BRWD1: variants seen among roughly 807,000 people sequenced by gnomAD.
The protein encoded by BRWD1 is bromodomain and WD repeat domain containing 1.
BRWD1 carries 82 observed loss-of-function variants against 251.2 expected under a neutral mutation model. The ratio of observed to expected loss-of-function variants is 0.33; its 90% confidence interval spans 0.27 to 0.39. The LOEUF (loss-of-function observed/expected upper bound fraction) is 0.39, where lower values mean the gene tolerates loss of function less well. Among genes scored for constraint, BRWD1 ranks in the 10% least tolerant of loss-of-function variants. The pLI is 1.00. For missense variants in BRWD1, 2,233 were observed against 2,711.6 expected (o/e 0.82, Z 3.92); for synonymous variants, 918 against 902.8 (o/e 1.02, Z -0.30).
Position 39,236,710 on chromosome 21 carries a change from CATG to C in BRWD1, c.2648_2650del (p.Ser883del). 3.1e-6 allele frequency: 5 copies of C among 1,614,070 alleles called. No homozygotes were observed. Among genetic ancestry groups the C allele is most frequent in the Non-Finnish European group, 3.4e-6 (4 of 1,179,988 alleles). ...ACAAAATCGAGTAATTCGTCGACGA[CATG>C]ATGTTCTTAAAGGAGGCTGCAAATT... is the stretch of plus-strand genomic sequence containing the variant. On this transcript the variant is annotated inframe_deletion, in exon 23 of 41. Transcript: ENST00000342449.
At chr21:39,263,810 A>G (rs933855527) in intron 17 of BRWD1, among the ~76,000 whole-genome samples, 2 of 152,186 alleles carry the variant, frequency 1.3e-5, no homozygotes, top group African/African-American at 4.8e-5. Flanking sequence ...AAAGAGAAAA[A>G]TACTAAGTTT....
chr21:39,218,238 C>G lies in BRWD1; in HGVS notation c.3573G>C (p.Leu1191Phe). The G allele has an allele frequency of 1.9e-6, 3 of 1,611,146 alleles. No homozygotes were observed. The South Asian group carries it at 3.3e-5, about 18-fold the overall frequency. Residue 1191 changes from leucine to phenylalanine, a missense_variant, in exon 31 of 41, where the codon TTG (leucine) becomes TTC (phenylalanine). Around this residue, in one of 12 missense-constraint regions of BRWD1, gnomAD observed 167 missense variants for 183.2 expected, o/e 0.91. Coordinates refer to ENST00000342449, the MANE Select transcript of BRWD1 (RefSeq NM_033656.4). The part of the protein sequence containing the change: ...IAAAFAGPVD[L>F]CTYPKYCTVV... ...CAGTACAGTACTTCGGGTATGTACA[C>G]AAATCAACAGGGCCTGCAAAAGCTG...
At chr21:39,263,395 TG>T (rs1185803163) in intron 17 of BRWD1, among the ~76,000 whole-genome samples, 1 of 151,920 alleles carries the variant, frequency 6.6e-6, no homozygotes, top group Non-Finnish European at 1.5e-5. Flanking sequence ...AAGACAAACC[TG>T]GAACATCCTA....
At chr21:39,258,700 T>C in intron 17 of BRWD1, 28 bp from the exon 18 acceptor site, 1 of 1,450,344 alleles carries the variant, frequency 6.9e-7, no homozygotes, top group South Asian at 1.5e-5. Context: ...TAATATATAA[T>C]CATATAAAAG....
At chr21:39,239,713 T>C (rs1259037604) in intron 21 of BRWD1, among the ~76,000 whole-genome samples, 1 of 152,238 alleles carries the variant, frequency 6.6e-6, no homozygotes, top group African/African-American at 2.4e-5. Flanking sequence ...TGCTGGGATT[T>C]TGTTTGGGAT....
intron 31 of BRWD1, chr21:39,216,490 C>T (rs903441683): frequency 6.4e-6 from 1 of 155,356 alleles, no homozygotes; most frequent in Non-Finnish European, 1.4e-5. Context: ...AACTCTCAGC[C>T]TCCTACTCAT....
chr21:39,295,984 G>C (rs1330219633), intron 6 of BRWD1, 81 bp from the exon 7 acceptor site: 2 of 1,224,860 alleles, frequency 1.6e-6, no homozygotes, highest in African/African-American at 3.1e-5. Flanking sequence ...ACAATTTCTA[G>C]AGGGTCACAA....
chr21:39,320,611 G>C (rs2036737313), intron 1 of BRWD1, among the ~76,000 whole-genome samples: 1 of 151,452 alleles, frequency 6.6e-6, no homozygotes, highest in South Asian at 2.1e-4. Flanking sequence ...TAGGATTATA[G>C]GTGTGACTAC....
Position 39,208,117 on chromosome 21 carries a change from G to A in BRWD1, c.4198-1843C>T, listed in dbSNP as rs141612191. Among the ~76,000 whole-genome samples, 451 of 152,266 alleles carry A rather than the reference G, an allele frequency of 3.0e-3. 4 individuals carry two copies. The highest frequency in any genetic ancestry group is 0.01 in the African/African-American group (423 of 41,546). Reference sequence around the variant, plus strand: ...CATAAAAATGGCTAAAATGGCAAATGTTATGTTATATATAGTTAACCATAG... The same window carrying A: ...CATAAAAATGGCTAAAATGGCAAATATTATGTTATATATAGTTAACCATAG... On this transcript the variant is annotated intron_variant, in intron 36 of 40. Transcript: ENST00000342449.
At position 39,313,628 on chromosome 21, in the gene BRWD1, C is replaced by A; in HGVS notation, c.-137G>T. 1 of 624,170 alleles carries A rather than the reference C, an allele frequency of 1.6e-6. No individual in the cohort carries two copies. The allele number at this position is 624,170 out of a possible 1,614,324, so 38.7% of individuals were successfully genotyped here. ...GCCGCCGCCGCCATACCGTGCGCGC[C>A]GCCTGGACCGACGCCTCCGCGGGGG... On this transcript the variant is annotated 5_prime_UTR_variant, in exon 1 of 41. Transcript: ENST00000342449.
intron 4 of BRWD1, among the ~76,000 whole-genome samples, chr21:39,309,555 T>C (rs1424180120): frequency 6.6e-6 from 1 of 152,044 alleles, no homozygotes; most frequent in African/African-American, 2.4e-5. Context: ...CCGGGCGCGG[T>C]GGCTCACGCC....
intron 21 of BRWD1, among the ~76,000 whole-genome samples, chr21:39,242,514 G>A (rs780737984): frequency 1.3e-5 from 2 of 152,190 alleles, no homozygotes; most frequent in Non-Finnish European, 2.9e-5. Context: ...TGGAGAACCT[G>A]CAGCAAGTGA....
At chr21:39,282,278 C>CA (rs199711100) in intron 8 of BRWD1, among the ~76,000 whole-genome samples, 2,317 of 151,926 alleles carry the variant, frequency 0.015, 58 homozygotes, top group African/African-American at 0.053. Context: ...AAGAAACATT[C>CA]AAGACAAAGA....
chr21:39,256,923 C>T (rs1224971064), intron 18 of BRWD1, among the ~76,000 whole-genome samples: 2 of 152,208 alleles, frequency 1.3e-5, no homozygotes, highest in African/African-American at 2.4e-5. Context: ...TTAGAGAACA[C>T]ACTATGCTTC....
chr21:39,316,165 A>G (rs2036696276), upstream of BRWD1, among the ~76,000 whole-genome samples: 1 of 152,226 alleles, frequency 6.6e-6, no homozygotes, highest in Non-Finnish European at 1.5e-5. Flanking sequence ...TGAAATAGAA[A>G]AGAAATGATG....
intron 17 of BRWD1, among the ~76,000 whole-genome samples, chr21:39,263,326 A>G (rs1223547833): frequency 2.6e-5 from 4 of 152,208 alleles, no homozygotes; most frequent in Non-Finnish European, 5.9e-5. Context: ...GTAGAGAAAC[A>G]CTGCCCTGCT....
At chr21:39,288,066 C>T (rs920282187) in intron 8 of BRWD1, among the ~76,000 whole-genome samples, 1 of 152,150 alleles carries the variant, frequency 6.6e-6, no homozygotes, top group African/African-American at 2.4e-5. Context: ...ACCTGAGCCA[C>T]AGTCACATAA....
chr21:39,284,785 G>A (rs1007428077), intron 8 of BRWD1, among the ~76,000 whole-genome samples: 1 of 151,974 alleles, frequency 6.6e-6, no homozygotes, highest in African/African-American at 2.4e-5. Flanking sequence ...TTTTTCTATT[G>A]AGTTGAGTTC....
At chr21:39,274,704 T>C (rs117830410) in intron 12 of BRWD1, among the ~76,000 whole-genome samples, 3,475 of 152,272 alleles carry the variant, frequency 0.023, 72 homozygotes, top group Non-Finnish European at 0.031. Flanking sequence ...ACTCAATCAA[T>C]AGCTTTTCAA....
Sources: allele counts gnomAD v4.1 joint callset (sites outside exome capture counted in the v4.1 genomes callset), GRCh38; gene constraint gnomAD v4.1.1; regional missense constraint gnomAD v4.1.1; transcripts MANE v1.5; gene names NCBI Gene and HGNC (gene_info 2026-07-23, HGNC 2026-07-21).